The following PGM2L1 variants were observed in gnomAD, a reference collection of about 807,000 sequenced individuals.
The protein encoded by PGM2L1 is glucose 1,6-bisphosphate synthase.
A neutral mutation model predicts 73.4 loss-of-function variants in PGM2L1; 35 were observed. The ratio of observed to expected loss-of-function variants is 0.48; its 90% CI spans 0.36 to 0.63. The LOEUF (loss-of-function observed/expected upper bound fraction) is 0.63. Ranked by LOEUF, PGM2L1 falls within the 30% of genes least tolerant of loss-of-function variation. PGM2L1 has a pLI of 0.00. For synonymous variants in PGM2L1, 225 were observed against 253.8 expected (o/e 0.89, Z 1.08); for missense variants, 570 against 742.0 (o/e 0.77, Z 2.69).
intron 5 of PGM2L1, among the ~76,000 whole-genome samples, chr11:74,362,918 A>C (rs1455758130): frequency 1.3e-5 from 2 of 152,238 alleles, no homozygotes; most frequent in Non-Finnish European, 2.9e-5. Context: ...TCTCCACCCC[A>C]AATCAACAGA....
At chr11:74,347,034 A>AG in intron 7 of PGM2L1, 114 bp downstream of exon 7, 2 of 1,023,094 alleles carry the variant, frequency 2.0e-6, no homozygotes, top group Non-Finnish European at 2.8e-6. Context: ...TACAATTAAA[A>AG]GATGTAAACT....
intron 13 of PGM2L1, 66 bp from the exon 14 acceptor site, chr11:74,336,820 T>C: frequency 8.8e-7 from 1 of 1,141,574 alleles, no homozygotes; most frequent in Non-Finnish European, 1.2e-6. Context: ...TTTAAATTAG[T>C]GTGATTTTTT....
intron 5 of PGM2L1, among the ~76,000 whole-genome samples, chr11:74,364,750 G>GA (rs1862627228): frequency 6.6e-6 from 1 of 152,132 alleles, no homozygotes; most frequent in Non-Finnish European, 1.5e-5. Context: ...CCATGCTCAT[G>GA]GATAGGAAGA....
Position 74,351,514 on chromosome 11 carries a change from T to C in PGM2L1, c.618A>G (p.Ile206Met). The C allele has an allele frequency of 1.2e-6, 2 of 1,613,630 alleles. No individual in the cohort carries two copies. Among genetic ancestry groups the C allele is most frequent in the Non-Finnish European group, 1.7e-6 (2 of 1,179,836 alleles). ...SPHDKEILKCIEECVEPWNGS... is the reference protein window; with the variant it reads ...SPHDKEILKCMEECVEPWNGS... ...CATTCCAGGGTTCCACACATTCTTC[T>C]ATACATTTTAGAATTTCTTTATCAT... The change falls in exon 6 of 14, where the codon ATA becomes ATG. Residue 206 changes from isoleucine to methionine, a missense_variant. By Grantham distance (10) the Ile-to-Met change is conservative (BLOSUM62 1). Coordinates refer to ENST00000298198, the MANE Select transcript of PGM2L1 (RefSeq NM_173582.6).
intron 9 of PGM2L1, 97 bp from the exon 10 acceptor site, chr11:74,343,513 G>C (rs956280800): frequency 4.0e-6 from 6 of 1,509,982 alleles, no homozygotes; most frequent in Admixed American, 4.9e-5. Flanking sequence ...TTCATATAAT[G>C]ATCCTTACTA....
chr11:74,360,545 C>T (rs1040146606), intron 5 of PGM2L1, among the ~76,000 whole-genome samples: 11 of 152,044 alleles, frequency 7.2e-5, no homozygotes, highest in African/African-American at 2.2e-4. Context: ...CACTGGGGCT[C>T]GTTGGACAGT....
At chr11:74,356,146 G>A (rs1305987468) in intron 5 of PGM2L1, among the ~76,000 whole-genome samples, 2 of 151,910 alleles carry the variant, frequency 1.3e-5, no homozygotes, top group Non-Finnish European at 2.9e-5. Flanking sequence ...TTCCTTCAGG[G>A]TGATGCCAGG....
intron 12 of PGM2L1, among the ~76,000 whole-genome samples, chr11:74,341,747 C>T (rs1463361105): frequency 1.4e-5 from 2 of 138,318 alleles, no homozygotes; most frequent in Non-Finnish European, 3.1e-5. Flanking sequence ...CCACAAAGTA[C>T]AGGAAAATGG....
At chr11:74,378,084 C>G (rs991808496) in intron 1 of PGM2L1, among the ~76,000 whole-genome samples, 3 of 152,030 alleles carry the variant, frequency 2.0e-5, no homozygotes, top group African/African-American at 7.2e-5. Flanking sequence ...GGCGGATCAC[C>G]TGAGGTCAGG....
At chr11:74,390,439 T>C (rs1181026754) in intron 1 of PGM2L1, among the ~76,000 whole-genome samples, 3 of 152,248 alleles carry the variant, frequency 2.0e-5, no homozygotes, top group Non-Finnish European at 2.9e-5. Flanking sequence ...TTTTAATCAC[T>C]GAATAATATT....
Position 74,351,444 on chromosome 11 carries a change from C to G in PGM2L1, c.688G>C (p.Asp230His). 3.1e-6 allele frequency: 5 copies of G among 1,614,056 alleles called. No homozygotes were observed. Among genetic ancestry groups the G allele is most frequent in the Non-Finnish European group, 4.2e-6 (5 of 1,180,014 alleles). The change falls in exon 6 of 14, where the codon GAC (aspartate) becomes CAC (histidine). Residue 230 changes from aspartate to histidine, a missense_variant. By Grantham distance (81) the Asp-to-His change is moderately conservative. Transcript: ENST00000298198. Reference protein sequence around the residue: ...NLVDTSPLKRDPLQDICRRYM... With the variant: ...NLVDTSPLKRHPLQDICRRYM... The stretch of plus-strand genomic sequence containing the variant: ...CTCCTGCAAATGTCCTGCAGAGGGT[C>G]TCTCTTCAGCGGGCTGGTATCCACT...
At chr11:74,391,628 AC>A (rs1390973661) in intron 1 of PGM2L1, among the ~76,000 whole-genome samples, 1 of 152,184 alleles carries the variant, frequency 6.6e-6, no homozygotes, top group Non-Finnish European at 1.5e-5. Flanking sequence ...TAATCAAAAA[AC>A]ATTAAGTTCT....
intron 5 of PGM2L1, among the ~76,000 whole-genome samples, chr11:74,361,089 G>C (rs1215251018): frequency 5.9e-5 from 9 of 152,192 alleles, no homozygotes; most frequent in African/African-American, 1.9e-4. Context: ...TGAGAACGGA[G>C]AGACTGCCTC....
intron 13 of PGM2L1, among the ~76,000 whole-genome samples, chr11:74,336,956 A>T (rs1565433060): frequency 6.6e-6 from 1 of 152,164 alleles, no homozygotes; most frequent in Non-Finnish European, 1.5e-5. Flanking sequence ...ACTGAAGGTG[A>T]ACTGCATTAA....
At chr11:74,341,633 A>G (rs955344008) in intron 12 of PGM2L1, among the ~76,000 whole-genome samples, 2 of 147,574 alleles carry the variant, frequency 1.4e-5, no homozygotes, top group African/African-American at 5.0e-5. Flanking sequence ...CAGAGGTTGC[A>G]GTAAGCTGAG....
intron 12 of PGM2L1, 124 bp downstream of exon 12, chr11:74,342,337 A>G (rs1862195242): frequency 1.3e-6 from 1 of 760,692 alleles, no homozygotes; most frequent in East Asian, 3.1e-5. Flanking sequence ...CACCTTTATA[A>G]TAAACTGGTA....
chr11:74,377,031 C>A (rs1331127543), intron 1 of PGM2L1, among the ~76,000 whole-genome samples: 1 of 151,880 alleles, frequency 6.6e-6, no homozygotes, highest in Non-Finnish European at 1.5e-5. Context: ...TTCAGATGAA[C>A]TTACATTTGT....
intron 1 of PGM2L1, among the ~76,000 whole-genome samples, chr11:74,394,954 T>G (rs541696764): frequency 9.1e-4 from 130 of 143,530 alleles, no homozygotes; most frequent in African/African-American, 3.2e-3. Flanking sequence ...GTTTCTCTGT[T>G]AAAAGACTAC....
At chr11:74,346,534 AC>A (rs1862269444) in intron 8 of PGM2L1, among the ~76,000 whole-genome samples, 197 bp downstream of exon 8, 1 of 152,206 alleles carries the variant, frequency 6.6e-6, no homozygotes, top group South Asian at 2.1e-4. Context: ...AAAAACAAAT[AC>A]ATCTTTAAAT....
Sources: allele counts gnomAD v4.1 joint callset (sites outside exome capture counted in the v4.1 genomes callset), GRCh38; gene constraint gnomAD v4.1.1; transcripts MANE v1.5; gene names NCBI Gene and HGNC (gene_info 2026-07-23, HGNC 2026-07-21).